Variants in DNM3 observed in about 807,000 individuals in gnomAD.
The protein encoded by DNM3 is dynamin 3, also known as dynamin-3.
DNM3 carries 47 observed loss-of-function variants against 101.6 expected under a neutral mutation model. That is an observed-to-expected ratio of 0.46 (90% confidence interval 0.37 to 0.59). DNM3 has a LOEUF of 0.59. DNM3 is among the 20% of genes least tolerant of loss of function. The pLI, the probability that DNM3 is intolerant of heterozygous loss-of-function variation, is 0.00. For synonymous variants in DNM3, 385 were observed against 387.9 expected, an observed-to-expected ratio of 0.99 and a Z score of 0.09; for missense variants, 849 against 1,085.7, an observed-to-expected ratio of 0.78 and a Z score of 3.06.
intron 4 of DNM3, among the ~76,000 whole-genome samples, chr1:171,990,263 C>T (rs1558384145): frequency 6.6e-6 from 1 of 152,002 alleles, no homozygotes; most frequent in East Asian, 1.9e-4. Flanking sequence ...AAATGTTTGT[C>T]GATCTTTTGC....
intron 16 of DNM3, among the ~76,000 whole-genome samples, chr1:172,315,977 G>A (rs2065326931): frequency 6.6e-6 from 1 of 152,088 alleles, no homozygotes; most frequent in South Asian, 2.1e-4. Flanking sequence ...AGTGTTAAGG[G>A]CAGCCAGAGA....
At chr1:172,102,993 C>T (rs1405415628) in intron 13 of DNM3, among the ~76,000 whole-genome samples, 1 of 152,162 alleles carries the variant, frequency 6.6e-6, no homozygotes, top group Non-Finnish European at 1.5e-5. Flanking sequence ...CCATTTGTTA[C>T]TTGTATCCAA....
At chr1:172,074,363 T>C (rs562009690) in intron 11 of DNM3, among the ~76,000 whole-genome samples, 6 of 152,174 alleles carry the variant, frequency 3.9e-5, no homozygotes, top group East Asian at 3.8e-4. Context: ...ATGTGCAGAA[T>C]GTGCAGGTTT....
At chr1:172,184,887 A>G (rs1468787901) in intron 14 of DNM3, among the ~76,000 whole-genome samples, 4 of 152,140 alleles carry the variant, frequency 2.6e-5, no homozygotes, top group Non-Finnish European at 5.9e-5. Flanking sequence ...TCTGCCAGCA[A>G]GCCCATGTTC....
intron 4 of DNM3, among the ~76,000 whole-genome samples, chr1:172,008,065 C>T (rs562604984): frequency 5.9e-5 from 9 of 152,056 alleles, no homozygotes; most frequent in African/African-American, 2.2e-4. Context: ...TGTTTGTCAG[C>T]TATTGAGTTG....
chr1:172,174,297 A>G (rs979486129), intron 14 of DNM3, among the ~76,000 whole-genome samples: 5 of 151,614 alleles, frequency 3.3e-5, no homozygotes, highest in African/African-American at 1.2e-4. Flanking sequence ...CAGCTTAGGA[A>G]GGAAATATAA....
chr1:171,993,806 T>C (rs1367575736), intron 4 of DNM3, among the ~76,000 whole-genome samples: 1 of 152,046 alleles, frequency 6.6e-6, no homozygotes, highest in African/African-American at 2.4e-5. Context: ...TTCCTTAGAC[T>C]GGGAGGAACA....
intron 2 of DNM3, among the ~76,000 whole-genome samples, chr1:171,971,117 T>C (rs917087305): frequency 6.6e-6 from 1 of 152,138 alleles, no homozygotes; most frequent in African/African-American, 2.4e-5. Context: ...GCTTTATGCT[T>C]TCACTTGTTA....
intron 12 of DNM3, among the ~76,000 whole-genome samples, chr1:172,082,233 G>A (rs1243367429): frequency 6.6e-6 from 1 of 151,894 alleles, no homozygotes; most frequent in African/African-American, 2.4e-5. Context: ...AAAATTTTGA[G>A]GGGAACAGTT....
intron 6 of DNM3, among the ~76,000 whole-genome samples, chr1:172,035,688 T>C (rs2048904944): frequency 6.6e-6 from 1 of 152,172 alleles, no homozygotes; most frequent in Non-Finnish European, 1.5e-5. Flanking sequence ...AATCAGTTGG[T>C]TGCTGGTTTC....
chr1:172,117,070 T>A (rs931150088), intron 13 of DNM3, among the ~76,000 whole-genome samples: 31 of 151,962 alleles, frequency 2.0e-4, no homozygotes, highest in Admixed American at 2.0e-4. Context: ...CCAGGCATGG[T>A]GGTGCATGCT....
At position 171,851,239 on chromosome 1, in the gene DNM3, C is replaced by T. The variant is rs188948497; in HGVS notation, c.161+9422C>T. Among the ~76,000 whole-genome samples, 67 of 152,278 alleles carry T rather than the reference C, an allele frequency of 4.4e-4. 1 individual carries two copies. The highest frequency in any genetic ancestry group is 8.2e-4 in the Non-Finnish European group (56 of 68,016). The stretch of plus-strand genomic sequence containing the variant: ...TCTGCTCAACTATTTGCAGCTTCCA[C>T]GAAGCCAGGAGCTGTGTCTCCTTTA... On this transcript the variant is annotated intron_variant, in intron 1 of 20. Transcript: ENST00000627582.
rs555147101 is a variant in DNM3 at position 172,055,010 on chromosome 1, T to C, written c.1335+6260T>C. Among the ~76,000 whole-genome samples the C allele has an allele frequency of 3.9e-5, 5 of 126,602 alleles. No individual in the cohort carries two copies. The East Asian group carries it at 1.2e-3, about 31-fold the overall frequency. 83.1% of individuals were successfully genotyped at this position (126,602 alleles called of 152,430 possible). On this transcript the variant is annotated intron_variant, in intron 10 of 20. Coordinates refer to ENST00000627582, the MANE Select transcript of DNM3 (RefSeq NM_015569.5). Reference sequence around the variant, plus strand: ...AAGAAATACAGGGAAAGATTTTCCATTAAGAAGTGCTGTTAGAAGAAATGC... The same window carrying C: ...AAGAAATACAGGGAAAGATTTTCCACTAAGAAGTGCTGTTAGAAGAAATGC...
chr1:172,181,803 G>GTT (rs71688883), intron 14 of DNM3, among the ~76,000 whole-genome samples: 10 of 138,104 alleles, frequency 7.2e-5, no homozygotes, highest in East Asian at 6.4e-4. Flanking sequence ...TGAAGACAGG[G>GTT]TTTTTTTTTT....
chr1:171,892,261 C>T (rs2037355544), intron 1 of DNM3, among the ~76,000 whole-genome samples: 1 of 152,034 alleles, frequency 6.6e-6, no homozygotes, highest in Non-Finnish European at 1.5e-5. Flanking sequence ...TATCCTCCCC[C>T]AGTTCTATAA....
chr1:171,972,610 G>A (rs545098642), intron 2 of DNM3, among the ~76,000 whole-genome samples: 2 of 152,336 alleles, frequency 1.3e-5, no homozygotes, highest in African/African-American at 4.8e-5. Context: ...AGCACTTTGA[G>A]AGGCCGAGGT....
Position 172,058,007 on chromosome 1 carries a change from A to G in DNM3, c.1335+9257A>G, listed in dbSNP as rs1259456672. Reference sequence around the variant, plus strand: ...ATGAAAGGATGGAGGAAGATCTACCAAGCAAATGGAAAACAAAAAAAGGCA... The same window carrying G: ...ATGAAAGGATGGAGGAAGATCTACCGAGCAAATGGAAAACAAAAAAAGGCA... On this transcript the variant is annotated intron_variant, in intron 10 of 20. Coordinates refer to ENST00000627582, the MANE Select transcript of DNM3 (RefSeq NM_015569.5). Among the ~76,000 whole-genome samples, 4 of 142,484 alleles carry G rather than the reference A, an allele frequency of 2.8e-5. No individual in the cohort carries two copies. The Admixed American group carries it at 2.9e-4, about 10-fold the overall frequency. 93.5% of individuals were successfully genotyped at this position (142,484 alleles called of 152,430 possible). A position where few individuals can be genotyped will look rare whatever the true frequency, so the allele number is the denominator to read the frequency against.
chr1:172,215,792 G>A (rs74124004), intron 14 of DNM3, among the ~76,000 whole-genome samples: 26,307 of 151,782 alleles, frequency 0.17, 2,899 homozygotes, highest in African/African-American at 0.32. Flanking sequence ...TAATTGATGC[G>A]TCAGAAACCT....
chr1:171,896,192 T>G (rs1335532713), intron 1 of DNM3, among the ~76,000 whole-genome samples: 1 of 152,206 alleles, frequency 6.6e-6, no homozygotes, highest in Admixed American at 6.5e-5. Context: ...ATTGGTAGCT[T>G]GATGGGGATG....
Sources: gnomAD v4.1 joint callset for allele counts (sites outside exome capture counted in the v4.1 genomes callset) on GRCh38, gnomAD v4.1.1 for gene constraint, MANE v1.5 for transcripts, NCBI Gene and HGNC (gene_info 2026-07-23, HGNC 2026-07-21) for gene names.